SH3KBP1: variants seen among roughly 807,000 people sequenced by gnomAD.
The protein encoded by SH3KBP1 is SH3 domain-containing kinase-binding protein 1.
SH3KBP1 carries 8 observed loss-of-function variants against 50.1 expected under a neutral mutation model. The observed-to-expected ratio is 0.16, with a 90% CI of 0.09 to 0.29. SH3KBP1 has a LOEUF of 0.29. SH3KBP1 is among the 10% of genes least tolerant of loss of function. SH3KBP1 has a pLI of 1.00. For missense variants in SH3KBP1, 377 were observed against 535.2 expected (o/e 0.70, Z 2.92); for synonymous variants, 227 against 218.6 (o/e 1.04, Z -0.34).
chrX:19,787,604 C>T (rs763098371), intron 2 of SH3KBP1, among the ~76,000 whole-genome samples: 1 of 111,673 alleles, frequency 9.0e-6, no homozygotes, highest in Admixed American at 9.5e-5. Context: ...TTCACAGGCA[C>T]AAAATGATAT....
chrX:19,863,706 C>A (rs1188384440), intron 1 of SH3KBP1, among the ~76,000 whole-genome samples: 2 of 111,152 alleles, frequency 1.8e-5, no homozygotes, highest in Non-Finnish European at 3.8e-5. Flanking sequence ...GACAGTGACA[C>A]CCAACACCCC....
At chrX:19,790,902 T>C (rs958434760) in intron 2 of SH3KBP1, among the ~76,000 whole-genome samples, 2 of 111,301 alleles carry the variant, frequency 1.8e-5, no homozygotes, top group Non-Finnish European at 1.9e-5. Context: ...CAATTCTAAT[T>C]GAGGCATGTC....
chrX:19,711,087 C>T (rs2063765522), intron 3 of SH3KBP1, among the ~76,000 whole-genome samples: 1 of 110,991 alleles, frequency 9.0e-6, no homozygotes, highest in Non-Finnish European at 1.9e-5. Context: ...TGTATTTTAC[C>T]AGAGGATTTC....
chrX:19,639,399 C>CAG (rs1169601900), intron 7 of SH3KBP1, among the ~76,000 whole-genome samples: 2 of 111,372 alleles, frequency 1.8e-5, no homozygotes, highest in Non-Finnish European at 3.8e-5. Context: ...CTCTACAATG[C>CAG]AGCAGAGGCT....
intron 2 of SH3KBP1, among the ~76,000 whole-genome samples, chrX:19,817,874 A>T (rs1200746535): frequency 8.9e-6 from 1 of 111,867 alleles, no homozygotes; most frequent in Non-Finnish European, 1.9e-5. Context: ...ACCTCAAGTG[A>T]TCCACCCACC....
intron 3 of SH3KBP1, among the ~76,000 whole-genome samples, chrX:19,725,124 G>A (rs2064180738): frequency 9.1e-6 from 1 of 110,358 alleles, no homozygotes; most frequent in Admixed American, 9.6e-5. Flanking sequence ...AAGTGTCGAT[G>A]GGAGGAAGTG....
At chrX:19,620,605 G>A (rs2067780097) in intron 8 of SH3KBP1, among the ~76,000 whole-genome samples, 1 of 111,830 alleles carries the variant, frequency 8.9e-6, no homozygotes, top group Non-Finnish European at 1.9e-5. Flanking sequence ...GGCTCTGTCT[G>A]TCTGCCACCA....
At chrX:19,792,783 CG>C (rs1442166028) in intron 2 of SH3KBP1, among the ~76,000 whole-genome samples, 1 of 12,541 alleles carries the variant, frequency 8.0e-5, no homozygotes, top group Non-Finnish European at 2.0e-4. Flanking sequence ...CTGGCGGGGG[CG>C]GGGGGTGGGG....
chrX:19,796,667 T>A (rs957835636), intron 2 of SH3KBP1, among the ~76,000 whole-genome samples: 7 of 112,442 alleles, frequency 6.2e-5, no homozygotes, highest in Non-Finnish European at 1.3e-4. Flanking sequence ...ACATTATTCT[T>A]GGCAGGAGGT....
At chrX:19,862,199 T>C (rs1050662786) in intron 1 of SH3KBP1, among the ~76,000 whole-genome samples, 1 of 112,247 alleles carries the variant, frequency 8.9e-6, no homozygotes. Flanking sequence ...TTGCCACCCA[T>C]TGAATTTGCT....
At chrX:19,661,626 TG>T (rs1156702490) in intron 6 of SH3KBP1, among the ~76,000 whole-genome samples, 53 of 106,070 alleles carry the variant, frequency 5.0e-4, no homozygotes, top group East Asian at 1.7e-3. Flanking sequence ...AAATAAAGGT[TG>T]TTTTTTTTTT....
chrX:19,694,807 A>G (rs987020759), intron 5 of SH3KBP1, among the ~76,000 whole-genome samples: 3 of 111,879 alleles, frequency 2.7e-5, no homozygotes, highest in African/African-American at 9.8e-5. Context: ...GACATTTAAG[A>G]ATGATTTGGG....
chrX:19,612,548 G>A (rs1276574305), intron 8 of SH3KBP1, among the ~76,000 whole-genome samples: 3 of 111,976 alleles, frequency 2.7e-5, no homozygotes, highest in Non-Finnish European at 3.8e-5. Context: ...TTACAGGCGT[G>A]AGCCACAGCG....
At chrX:19,693,629 C>G (rs1424509604) in intron 5 of SH3KBP1, among the ~76,000 whole-genome samples, 1 of 111,215 alleles carries the variant, frequency 9.0e-6, no homozygotes, top group Non-Finnish European at 1.9e-5. Flanking sequence ...GAGAAAATGC[C>G]CCTTCTGAGC....
Position 19,549,977 on chromosome X carries a change from T to C in SH3KBP1, c.1491A>G (p.Thr497=). Residue 497 remains threonine (T), a synonymous_variant, in exon 14 of 18, where the codon ACA becomes ACG. Coordinates refer to ENST00000397821, the MANE Select transcript of SH3KBP1 (RefSeq NM_031892.3). ...TGRRPPSQSL[T]SSSLSSPDIF... ...TACAGTTTGAGGAGACACTTACAGA[T>C]GTGAGGGACTGGGACGGAGGCCGCC... The C allele has an allele frequency of 8.5e-7, 1 of 1,178,404 alleles. No individual in the cohort carries two copies. Among genetic ancestry groups the C allele is most frequent in the Non-Finnish European group, 1.2e-6 (1 of 866,331 alleles).
At chrX:19,738,753 G>A (rs944946477) in intron 3 of SH3KBP1, among the ~76,000 whole-genome samples, 1 of 105,218 alleles carries the variant, frequency 9.5e-6, no homozygotes, top group African/African-American at 3.5e-5. Context: ...GCTCACGCCT[G>A]TAATCCCAGC....
intron 3 of SH3KBP1, among the ~76,000 whole-genome samples, chrX:19,713,687 C>A (rs752324939): frequency 1.8e-5 from 2 of 111,543 alleles, no homozygotes. Flanking sequence ...TCACCTTGAG[C>A]ATTTATCATT....
intron 4 of SH3KBP1, among the ~76,000 whole-genome samples, chrX:19,706,036 T>C (rs2063645960): frequency 8.9e-6 from 1 of 111,807 alleles, no homozygotes; most frequent in Non-Finnish European, 1.9e-5. Context: ...CTAGGAAATC[T>C]GGCTTCTAGC....
chrX:19,554,243 T>TATC (rs1555983401), intron 13 of SH3KBP1, among the ~76,000 whole-genome samples: 899 of 64,807 alleles, frequency 0.014, 29 homozygotes, highest in Non-Finnish European at 0.018. Flanking sequence ...ATATATTATA[T>TATC]ATATTAAAAT....
Sources: allele counts gnomAD v4.1 joint callset (sites outside exome capture counted in the v4.1 genomes callset), GRCh38; gene constraint gnomAD v4.1.1; transcripts MANE v1.5; gene names NCBI Gene and HGNC (gene_info 2026-07-23, HGNC 2026-07-21).